The following KCNQ5 variants were observed in gnomAD, a reference collection of about 807,000 sequenced individuals.
The protein encoded by KCNQ5 is potassium voltage-gated channel subfamily KQT member 5.
A neutral mutation model predicts 98.2 loss-of-function variants in KCNQ5; 30 were observed. The observed-to-expected ratio is 0.31, with a 90% CI of 0.23 to 0.41. The LOEUF (loss-of-function observed/expected upper bound fraction) is 0.41. Among genes scored for constraint, KCNQ5 ranks in the 10% least tolerant of loss-of-function variants. The probability of loss-of-function intolerance (pLI) is 1.00; values close to 1 mark genes in which losing one functional copy is unlikely to be tolerated. For synonymous variants in KCNQ5, 458 were observed against 449.4 expected, an observed-to-expected ratio of 1.02 and a Z score of -0.24; for missense variants, 835 against 1,182.5, an observed-to-expected ratio of 0.71 and a Z score of 4.31.
intron 1 of KCNQ5, among the ~76,000 whole-genome samples, chr6:72,688,616 T>C (rs1253162457): frequency 6.6e-6 from 1 of 152,226 alleles, no homozygotes; most frequent in Non-Finnish European, 1.5e-5. Context: ...CAATGTTCAA[T>C]ACAGTTGAGG....
chr6:72,982,995 T>G (rs1021644720), intron 1 of KCNQ5, among the ~76,000 whole-genome samples: 7 of 152,222 alleles, frequency 4.6e-5, no homozygotes, highest in African/African-American at 1.7e-4. Context: ...ATTGAATATT[T>G]GCCCCCACTC....
At chr6:72,941,420 TTTCCTTCCTCCTTCCCTCCCTCTCTTCA>T (rs1766257199) in intron 1 of KCNQ5, among the ~76,000 whole-genome samples, 2 of 115,376 alleles carry the variant, frequency 1.7e-5, no homozygotes, top group South Asian at 3.6e-4. Context: ...CCCTCCCTTC[TTTCCTTCCTCCTTCCCTCCCTCTCTTCA>T]TTCCTTCCTT....
intron 5 of KCNQ5, among the ~76,000 whole-genome samples, chr6:73,084,250 A>G (rs1409215252): frequency 6.6e-6 from 1 of 152,190 alleles, no homozygotes; most frequent in Non-Finnish European, 1.5e-5. Flanking sequence ...AGGAGCAACT[A>G]CATTATTTAT....
intron 1 of KCNQ5, among the ~76,000 whole-genome samples, chr6:72,657,266 A>C (rs1395960787): frequency 2.0e-5 from 3 of 152,176 alleles, no homozygotes; most frequent in African/African-American, 7.2e-5. Flanking sequence ...AAATGATGGC[A>C]TGGGAGACCA....
At chr6:72,840,981 A>C (rs1318082891) in intron 1 of KCNQ5, among the ~76,000 whole-genome samples, 1 of 152,198 alleles carries the variant, frequency 6.6e-6, no homozygotes, top group African/African-American at 2.4e-5. Flanking sequence ...AAAGCACTAA[A>C]GTATCCAGAC....
intron 1 of KCNQ5, among the ~76,000 whole-genome samples, chr6:72,802,266 A>G (rs1311035982): frequency 6.6e-6 from 1 of 152,112 alleles, no homozygotes. Flanking sequence ...AGGTACACCA[A>G]TCAGACGTAG....
At chr6:72,987,457 A>C (rs774240872) in intron 1 of KCNQ5, 1 of 677,562 alleles carries the variant, frequency 1.5e-6, no homozygotes. Context: ...TTTGACAACG[A>C]GGAACAGAAA....
intron 9 of KCNQ5, among the ~76,000 whole-genome samples, chr6:73,127,896 C>G (rs1469571551): frequency 1.3e-5 from 2 of 152,108 alleles, no homozygotes; most frequent in African/African-American, 2.4e-5. Flanking sequence ...GAAACCCCCT[C>G]TATTTTAAAA....
chr6:72,786,956 G>C (rs2154478076), intron 1 of KCNQ5, among the ~76,000 whole-genome samples: 1 of 131,908 alleles, frequency 7.6e-6, no homozygotes, highest in East Asian at 2.5e-4. Flanking sequence ...AGTGAGCCGA[G>C]ATTGTGCCAC....
chr6:72,627,487 A>G (rs1484966868), intron 1 of KCNQ5, among the ~76,000 whole-genome samples: 2 of 152,242 alleles, frequency 1.3e-5, no homozygotes, highest in East Asian at 3.8e-4. Context: ...GCAGTTTCCA[A>G]TGCTGCAGAA....
intron 1 of KCNQ5, among the ~76,000 whole-genome samples, chr6:72,878,308 G>T (rs1778502641): frequency 6.6e-6 from 1 of 152,054 alleles, no homozygotes; most frequent in Non-Finnish European, 1.5e-5. Flanking sequence ...AGATGCCTTT[G>T]CTTTCATATA....
intron 1 of KCNQ5, among the ~76,000 whole-genome samples, chr6:72,854,758 T>TGTGTGTGTGTGTGTGTGTGTG (rs1777451483): frequency 1.6e-5 from 2 of 127,108 alleles, no homozygotes; most frequent in African/African-American, 6.0e-5. Context: ...ACACCATGGT[T>TGTGTGTGTGTGTGTGTGTGTG]TGTGTGTGTG....
intron 3 of KCNQ5, among the ~76,000 whole-genome samples, chr6:73,073,480 A>G (rs933430497): frequency 2.6e-5 from 4 of 152,114 alleles, no homozygotes; most frequent in Non-Finnish European, 4.4e-5. Context: ...CTTCCCAGCT[A>G]TGACAATGCA....
intron 1 of KCNQ5, among the ~76,000 whole-genome samples, chr6:72,982,935 G>A (rs1008710582): frequency 7.2e-5 from 11 of 152,038 alleles, no homozygotes; most frequent in African/African-American, 2.4e-4. Flanking sequence ...TATGAAGCTT[G>A]GTTTGGCTGG....
intron 2 of KCNQ5, among the ~76,000 whole-genome samples, chr6:73,036,947 A>G (rs1350061651): frequency 2.0e-5 from 3 of 152,186 alleles, no homozygotes; most frequent in Non-Finnish European, 2.9e-5. Flanking sequence ...ATACTGTTTT[A>G]CATTCCCATC....
At chr6:72,760,809 A>T (rs1174594281) in intron 1 of KCNQ5, among the ~76,000 whole-genome samples, 2 of 152,130 alleles carry the variant, frequency 1.3e-5, no homozygotes, top group Non-Finnish European at 2.9e-5. Context: ...TGAAGGAGAG[A>T]AAGTACAGTA....
chr6:72,842,930 G>T (rs761679409), intron 1 of KCNQ5, among the ~76,000 whole-genome samples: 4 of 152,136 alleles, frequency 2.6e-5, no homozygotes, highest in Admixed American at 2.0e-4. Context: ...CTCCCATTCT[G>T]TAGGTTGCCT....
intron 1 of KCNQ5, among the ~76,000 whole-genome samples, chr6:72,637,168 C>G (rs963791422): frequency 1.4e-4 from 21 of 152,122 alleles, no homozygotes; most frequent in African/African-American, 5.1e-4. Flanking sequence ...AGAAAGAAAC[C>G]AATGCTGTTT....
intron 3 of KCNQ5, among the ~76,000 whole-genome samples, chr6:73,049,308 A>C (rs1320421786): frequency 1.3e-5 from 2 of 152,216 alleles, no homozygotes; most frequent in Non-Finnish European, 2.9e-5. Context: ...AACAATATAA[A>C]TACATCTTTA....
Sources: gnomAD v4.1 joint callset for allele counts (sites outside exome capture counted in the v4.1 genomes callset) on GRCh38, gnomAD v4.1.1 for gene constraint, MANE v1.5 for transcripts, NCBI Gene and HGNC (gene_info 2026-07-23, HGNC 2026-07-21) for gene names.